The following MTUS1 variants were observed in gnomAD, a reference collection of about 807,000 sequenced individuals.
MTUS1 encodes microtubule-associated tumor suppressor 1.
A neutral mutation model predicts 120.8 loss-of-function variants in MTUS1; 109 were observed. The ratio of observed to expected loss-of-function variants is 0.90; its 90% CI spans 0.77 to 1.06. The LOEUF is 1.06. Ranked by LOEUF, MTUS1 falls within the 50% of genes least tolerant of loss-of-function variation. The pLI, the probability that MTUS1 is intolerant of heterozygous loss-of-function variation, is 0.00. For missense variants in MTUS1, 2,210 were observed against 1,486.3 expected (o/e 1.49, Z -8.01); for synonymous variants, 737 against 550.5 (o/e 1.34, Z -4.74).
intron 6 of MTUS1, among the ~76,000 whole-genome samples, chr8:17,704,519 A>G (rs933575893): frequency 3.3e-5 from 5 of 152,178 alleles, no homozygotes; most frequent in African/African-American, 4.8e-5. Context: ...TACTATCTAC[A>G]AAAAGACTAT....
chr8:17,748,912 G>T (rs1249897975), intron 2 of MTUS1, among the ~76,000 whole-genome samples: 3 of 152,132 alleles, frequency 2.0e-5, no homozygotes, highest in African/African-American at 7.2e-5. Flanking sequence ...CTACATAGAG[G>T]AAATGGGAGT....
In MTUS1 at chr8:17,645,190, A is replaced by T. The variant is rs73668805; in HGVS notation, c.*736T>A. ...AAATCTACAGAAAAATCTAGTTTCA[A>T]CTGACATGGCTGAACACTGAAAAAC... On this transcript the variant is annotated 3_prime_UTR_variant, in exon 15 of 15. Coordinates refer to ENST00000693296, the MANE Select transcript of MTUS1 (RefSeq NM_001363059.2). 1 of 152,622 alleles carries T rather than the reference A, an allele frequency of 6.6e-6. No homozygotes were observed. Among genetic ancestry groups the T allele is most frequent in the Admixed American group, 6.5e-5 (1 of 15,276 alleles). The allele number at this position is 152,622 out of a possible 1,614,324, so 9.5% of individuals were successfully genotyped here.
intron 8 of MTUS1, among the ~76,000 whole-genome samples, chr8:17,670,305 A>T (rs1029916403): frequency 2.0e-5 from 3 of 152,192 alleles, no homozygotes; most frequent in Admixed American, 6.5e-5. Context: ...AACTAGAAAA[A>T]TAAATCTGTG....
chr8:17,685,506 C>T (rs1216283444), intron 6 of MTUS1, among the ~76,000 whole-genome samples: 1 of 151,498 alleles, frequency 6.6e-6, no homozygotes, highest in African/African-American at 2.4e-5. Flanking sequence ...CTTATTCTAA[C>T]AGTCTTTCAT....
chr8:17,673,150 T>C (rs908638963), intron 8 of MTUS1, among the ~76,000 whole-genome samples: 2 of 152,126 alleles, frequency 1.3e-5, no homozygotes, highest in Non-Finnish European at 2.9e-5. Flanking sequence ...CAAAAGCAAG[T>C]TGGGTTGGTC....
intron 1 of MTUS1, among the ~76,000 whole-genome samples, chr8:17,760,618 G>T (rs1182113580): frequency 1.3e-5 from 2 of 152,076 alleles, no homozygotes; most frequent in Admixed American, 6.5e-5. Context: ...TTTAAGAATG[G>T]GTCCTAAGCT....
At chr8:17,750,795 A>C (rs1186841228) in intron 2 of MTUS1, among the ~76,000 whole-genome samples, 3 of 152,210 alleles carry the variant, frequency 2.0e-5, no homozygotes, top group African/African-American at 7.2e-5. Context: ...TTTTAGGTTA[A>C]GTCTCCACTC....
At chr8:17,701,351 G>T (rs571093120) in intron 6 of MTUS1, among the ~76,000 whole-genome samples, 4 of 152,176 alleles carry the variant, frequency 2.6e-5, no homozygotes, top group African/African-American at 9.6e-5. Context: ...AAGATAAATT[G>T]TAATTATCAA....
chr8:17,667,862 C>G (rs1406030425), intron 8 of MTUS1, among the ~76,000 whole-genome samples: 6 of 152,136 alleles, frequency 3.9e-5, no homozygotes, highest in Non-Finnish European at 8.8e-5. Flanking sequence ...GAGAGCTGAA[C>G]ATTGTTTGTT....
chr8:17,760,004 T>C (rs1586224012), intron 1 of MTUS1, among the ~76,000 whole-genome samples: 1 of 150,404 alleles, frequency 6.6e-6, no homozygotes, highest in South Asian at 2.1e-4. Flanking sequence ...AGCCCAGGAG[T>C]TCAAGACTAG....
chr8:17,647,181 A>T, intron 13 of MTUS1, 102 bp from the exon 14 acceptor site: 1 of 837,838 alleles, frequency 1.2e-6, no homozygotes, highest in East Asian at 2.6e-5. Flanking sequence ...AGATTTAATT[A>T]AGGAAAATGC....
At chr8:17,747,071 A>T (rs2047815090) in intron 2 of MTUS1, among the ~76,000 whole-genome samples, 1 of 152,168 alleles carries the variant, frequency 6.6e-6, no homozygotes, top group African/African-American at 2.4e-5. Flanking sequence ...CTGCTAGGGC[A>T]ATCTCTCTCA....
chr8:17,725,368 C>T (rs1031369776), intron 3 of MTUS1, among the ~76,000 whole-genome samples: 20 of 152,310 alleles, frequency 1.3e-4, no homozygotes, highest in Non-Finnish European at 2.9e-5. Context: ...GAAATTACCA[C>T]ATTAAGCTCC....
rs765210140 is a variant in MTUS1, at chr8:17,656,014, T to G, written c.2957A>C (p.Gln986Pro). 2 of 1,614,246 alleles carry G rather than the reference T, an allele frequency of 1.2e-6. No homozygotes were observed. The highest frequency in any genetic ancestry group is 4.5e-5 in the East Asian group (2 of 44,880). Residue 986 changes from glutamine to proline, a missense_variant, in exon 9 of 15, where the codon CAA becomes CCA. By Grantham distance (76) the Gln-to-Pro change is moderately conservative. Transcript: ENST00000693296. ...EKLEKARNEL[Q>P]TVYEAFVQQH... ...CTGGACGAATGCTTCATACACTGTT[T>G]GTAACTCATTCCTGGCTTTTTCTAA...
At chr8:17,730,699 G>A (rs182604705) in intron 3 of MTUS1, among the ~76,000 whole-genome samples, 76 of 152,268 alleles carry the variant, frequency 5.0e-4, no homozygotes, top group Admixed American at 1.7e-3. Flanking sequence ...TGAACCTTGA[G>A]GACACGGTGC....
Position 17,786,409 on chromosome 8 carries a change from C to T in MTUS1, c.-155+14652G>A, listed in dbSNP as rs565980438. On this transcript the variant is annotated intron_variant, in intron 1 of 14. Coordinates refer to ENST00000693296, the MANE Select transcript of MTUS1 (RefSeq NM_001363059.2). ...CTCAGATAAAAGCTCTTCAAGGACC[C>T]AGGCACCATCTCAGAAGTGGGTGAG... is the stretch of plus-strand genomic sequence containing the variant. Among the ~76,000 whole-genome samples the T allele has an allele frequency of 1.9e-4, 29 of 152,266 alleles. No homozygotes were observed. In the South Asian group the frequency reaches 5.8e-3, roughly 30 times the overall value.
chr8:17,682,739 G>A lies in MTUS1; in HGVS notation c.2838+1589C>T, dbSNP rs191555047. ...CTAGATATAATAAAATAAAATAATT[G>A]GTTTATTTCTAAACATAAAAACTAA... On this transcript the variant is annotated intron_variant, in intron 7 of 14. Coordinates refer to ENST00000693296, the MANE Select transcript of MTUS1 (RefSeq NM_001363059.2). Among the ~76,000 whole-genome samples the A allele has an allele frequency of 2.5e-3, 380 of 151,882 alleles. 1 individual carries two copies. The highest frequency in any genetic ancestry group is 8.8e-3 in the African/African-American group (366 of 41,406).
In MTUS1 at chr8:17,755,044, A is replaced by G; in HGVS notation, c.764T>C (p.Val255Ala). 4 of 1,613,772 alleles carry G rather than the reference A, an allele frequency of 2.5e-6. No homozygotes were observed. Among genetic ancestry groups the G allele is most frequent in the Non-Finnish European group, 3.4e-6 (4 of 1,180,002 alleles). Residue 255 changes from valine (V) to alanine (A), a missense_variant, in exon 2 of 15, where the codon GTT becomes GCT. Physicochemically the swap from Val to Ala is moderately conservative, Grantham distance 64. Coordinates refer to ENST00000693296, the MANE Select transcript of MTUS1 (RefSeq NM_001363059.2). Reference sequence around the variant, plus strand: ...CTGATTTCCAATATCTGAAACAAAAACCTCACTTTGCATCACCACATCAGA... The same window carrying G: ...CTGATTTCCAATATCTGAAACAAAAGCCTCACTTTGCATCACCACATCAGA... ...AFSDVVMQSE[V>A]FVSDIGNQCA...
At chr8:17,673,739 G>C (rs1013241404) in intron 8 of MTUS1, among the ~76,000 whole-genome samples, 5 of 152,140 alleles carry the variant, frequency 3.3e-5, no homozygotes, top group African/African-American at 1.2e-4. Flanking sequence ...ACAGGTGTGA[G>C]CTACCACACC....
Sources: gnomAD v4.1 joint callset for allele counts (sites outside exome capture counted in the v4.1 genomes callset) on GRCh38, gnomAD v4.1.1 for gene constraint, MANE v1.5 for transcripts, NCBI Gene and HGNC (gene_info 2026-07-23, HGNC 2026-07-21) for gene names.